PRMT3: variants seen among roughly 807,000 people sequenced by gnomAD.
PRMT3 encodes the protein protein arginine N-methyltransferase 3.
Under a neutral mutation model 71.9 loss-of-function variants are expected in PRMT3, and 62 were observed. That is an observed-to-expected ratio of 0.86 (90% CI 0.70 to 1.07). The LOEUF (loss-of-function observed/expected upper bound fraction) is 1.07. PRMT3 is among the 50% of genes least tolerant of loss of function. PRMT3 has a pLI of 0.00. For synonymous variants in PRMT3, 213 were observed against 220.4 expected (o/e 0.97, Z 0.30); for missense variants, 663 against 643.0 (o/e 1.03, Z -0.34).
At chr11:20,396,977 C>G (rs1245875233) in intron 6 of PRMT3, among the ~76,000 whole-genome samples, 2 of 152,122 alleles carry the variant, frequency 1.3e-5, no homozygotes, top group Non-Finnish European at 2.9e-5. Flanking sequence ...AATTGTAGTT[C>G]CTCTTCCCTG....
At chr11:20,472,886 G>A (rs948460275) in intron 13 of PRMT3, among the ~76,000 whole-genome samples, 4 of 151,510 alleles carry the variant, frequency 2.6e-5, no homozygotes, top group African/African-American at 9.7e-5. Flanking sequence ...AGGGTGGGGA[G>A]GTGTTGATAG....
intron 15 of PRMT3, among the ~76,000 whole-genome samples, chr11:20,505,076 C>T (rs1414813105): frequency 6.6e-6 from 1 of 152,152 alleles, no homozygotes; most frequent in Non-Finnish European, 1.5e-5. Context: ...TATATAAATT[C>T]TTCATTGCTA....
rs59723081 is a variant in PRMT3 at position 20,463,574 on chromosome 11, C to CT, written c.1261-873dup. Among the ~76,000 whole-genome samples the CT allele has an allele frequency of 1.7e-4, 25 of 148,960 alleles. No individual in the cohort carries two copies. In the South Asian group the frequency reaches 4.3e-3, roughly 25 times the overall value. ...TAAGGTGTTAAAAAGTGTATGTACT[C>CT]TTTTTTTTTTTTTAACATTTATTTA... On this transcript the variant is annotated intron_variant, in intron 12 of 15. Transcript: ENST00000331079.
chr11:20,402,947 A>G lies in PRMT3; in HGVS notation c.734A>G (p.Asp245Gly). The change falls in exon 8 of 16, where the codon GAT becomes GGT. Residue 245 changes from aspartate to glycine, a missense_variant. Physicochemically the swap from Asp to Gly is moderately conservative, Grantham distance 94. Coordinates refer to ENST00000331079, the MANE Select transcript of PRMT3 (RefSeq NM_005788.4). ...AAAATACGAACAGAAAGCTACCGAG[A>G]TTTCATATACCAAAATCCACATATC... ...KDKIRTESYR[D>G]FIYQNPHIFK... 1 of 1,609,092 alleles carries G rather than the reference A, an allele frequency of 6.2e-7. No homozygotes were observed. Among genetic ancestry groups the G allele is most frequent in the South Asian group, 1.1e-5 (1 of 90,972 alleles).
chr11:20,428,982 T>C (rs1446244848), intron 10 of PRMT3, among the ~76,000 whole-genome samples: 1 of 152,234 alleles, frequency 6.6e-6, no homozygotes, highest in African/African-American at 2.4e-5. Flanking sequence ...TTGTGGGCAT[T>C]GTCAAGTCTG....
In PRMT3 at chr11:20,474,322, C is replaced by G. The variant is rs1310971203; in HGVS notation, c.1347+9776C>G. On this transcript the variant is annotated intron_variant, in intron 13 of 15. Transcript: ENST00000331079. ...ACAGAACTGCAGAGATGGCAGCCGC[C>G]CCTCCCCCTGGGAATTTGGTGCTTC... 3.3e-5 allele frequency among the ~76,000 whole-genome samples: 5 copies of G among 152,222 alleles called. No individual in the cohort carries two copies. In the East Asian group the frequency reaches 9.6e-4, roughly 29 times the overall value.
chr11:20,472,657 A>G (rs927553529), intron 13 of PRMT3, among the ~76,000 whole-genome samples: 2 of 128,336 alleles, frequency 1.6e-5, no homozygotes, highest in Admixed American at 8.8e-5. Flanking sequence ...CATCAAGGAT[A>G]CTGGCCTGAA....
intron 13 of PRMT3, among the ~76,000 whole-genome samples, chr11:20,483,381 C>G (rs1850991220): frequency 6.6e-6 from 1 of 151,896 alleles, no homozygotes; most frequent in Non-Finnish European, 1.5e-5. Context: ...GAACATAGGG[C>G]TTTTGCATGG....
chr11:20,473,056 G>GTTGT (rs1288886455), intron 13 of PRMT3, among the ~76,000 whole-genome samples: 3 of 151,984 alleles, frequency 2.0e-5, no homozygotes, highest in Admixed American at 1.3e-4. Flanking sequence ...TTCTTTGATG[G>GTTGT]TTGTTTGTAT....
At chr11:20,413,615 A>C (rs1025961664) in intron 9 of PRMT3, among the ~76,000 whole-genome samples, 1 of 152,140 alleles carries the variant, frequency 6.6e-6, no homozygotes, top group Non-Finnish European at 1.5e-5. Context: ...CAATGCCTCA[A>C]ATAATATTTT....
At chr11:20,493,646 C>G (rs1851262841) in intron 13 of PRMT3, among the ~76,000 whole-genome samples, 1 of 152,180 alleles carries the variant, frequency 6.6e-6, no homozygotes, top group South Asian at 2.1e-4. Context: ...TGTGTGTTCA[C>G]CTTTCAGTGG....
intron 12 of PRMT3, 130 bp from the exon 13 acceptor site, chr11:20,464,330 C>G: frequency 1.5e-6 from 2 of 1,305,550 alleles, no homozygotes; most frequent in East Asian, 5.4e-5. Flanking sequence ...GTTTGCAAAA[C>G]TTTGGTTTCC....
At chr11:20,404,161 G>GTTT (rs59031740) in intron 8 of PRMT3, among the ~76,000 whole-genome samples, 1 of 132,172 alleles carries the variant, frequency 7.6e-6, no homozygotes, top group African/African-American at 3.0e-5. Flanking sequence ...TTTATATTTA[G>GTTT]TTTTTTTTTG....
At chr11:20,400,331 G>C (rs554740048) in intron 7 of PRMT3, among the ~76,000 whole-genome samples, 31 of 152,162 alleles carry the variant, frequency 2.0e-4, no homozygotes, top group African/African-American at 6.7e-4. Flanking sequence ...AATAAAAGTA[G>C]CTTGTGATCT....
rs374611654 is a variant in PRMT3, at chr11:20,430,247, GA to G, written c.993+3385del. The stretch of plus-strand genomic sequence containing the variant: ...TCTTTTTACAAGTATTTTCAACAAG[GA>G]AAGACAAAAATAGAATATACCCTCC... On this transcript the variant is annotated intron_variant, in intron 10 of 15. Transcript: ENST00000331079. Among the ~76,000 whole-genome samples the G allele has an allele frequency of 5.7e-3, 872 of 152,104 alleles. 5 individuals carry two copies. Among genetic ancestry groups the G allele is most frequent in the African/African-American group, 0.02 (813 of 41,504 alleles).
In PRMT3 at chr11:20,424,325, T is replaced by C. The variant is rs899486410; in HGVS notation, c.894-2441T>C. Among the ~76,000 whole-genome samples the C allele has an allele frequency of 6.6e-5, 10 of 152,232 alleles. No individual in the cohort carries two copies. In the East Asian group the frequency reaches 1.9e-3, roughly 29 times the overall value. On this transcript the variant is annotated intron_variant, in intron 9 of 15. Transcript: ENST00000331079. ...CTATAGTAATGAAGAAAGTGTTGTA[T>C]TGGCATAAGGATACACATCTAAATT...
At chr11:20,413,469 T>C (rs778347219) in intron 9 of PRMT3, among the ~76,000 whole-genome samples, 16 of 152,172 alleles carry the variant, frequency 1.1e-4, no homozygotes, top group Non-Finnish European at 1.6e-4. Context: ...TGGAGTCTTA[T>C]CTCATAAGAT....
chr11:20,439,980 G>T (rs954230012), intron 10 of PRMT3, among the ~76,000 whole-genome samples: 14 of 152,162 alleles, frequency 9.2e-5, no homozygotes, highest in African/African-American at 3.1e-4. Context: ...TTGTGGTAAA[G>T]GTGGTACTAC....
chr11:20,459,100 T>G (rs1193819620), intron 11 of PRMT3, among the ~76,000 whole-genome samples: 2 of 152,142 alleles, frequency 1.3e-5, no homozygotes, highest in African/African-American at 4.8e-5. Flanking sequence ...AGACAACATG[T>G]AAACAAATGA....
Sources: gnomAD v4.1 joint callset for allele counts (sites outside exome capture counted in the v4.1 genomes callset) on GRCh38, gnomAD v4.1.1 for gene constraint, MANE v1.5 for transcripts, NCBI Gene and HGNC (gene_info 2026-07-23, HGNC 2026-07-21) for gene names.